Variants in CACUL1 observed in about 807,000 individuals in gnomAD.
The protein encoded by CACUL1 is CDK2 associated cullin domain 1.
CACUL1 carries 13 observed loss-of-function variants against 45.2 expected under a neutral mutation model. That is an observed-to-expected ratio of 0.29 (90% CI 0.19 to 0.46). The LOEUF (loss-of-function observed/expected upper bound fraction) is 0.46, where lower values mean the gene tolerates loss of function less well. CACUL1 is among the 20% of genes least tolerant of loss of function. The pLI is 1.00. For missense variants in CACUL1, 421 were observed against 471.4 expected (o/e 0.89, Z 0.99); for synonymous variants, 197 against 174.2 (o/e 1.13, Z -1.03).
chr10:118,733,549 C>T (rs758734896), intron 1 of CACUL1, among the ~76,000 whole-genome samples: 12 of 152,172 alleles, frequency 7.9e-5, no homozygotes, highest in South Asian at 2.1e-4. Flanking sequence ...CTTATCTCAA[C>T]GCAATCCTTG....
At chr10:118,736,171 A>G (rs888391555) in intron 1 of CACUL1, among the ~76,000 whole-genome samples, 1 of 152,192 alleles carries the variant, frequency 6.6e-6, no homozygotes, top group Non-Finnish European at 1.5e-5. Flanking sequence ...TAGATAAAGA[A>G]GAGGAATGGT....
chr10:118,747,046 G>A lies in CACUL1; in HGVS notation c.367+7350C>T, dbSNP rs182746085. Among the ~76,000 whole-genome samples the A allele has an allele frequency of 3.1e-3, 476 of 152,066 alleles. 2 individuals are homozygous for A. The highest frequency in any genetic ancestry group is 0.011 in the African/African-American group (444 of 41,468). ...GCAGGAATTAGATTCTCAAAGGAGC[G>A]CCAACCCTATAACGCAAGGGATCTA... On this transcript the variant is annotated intron_variant, in intron 1 of 8. Transcript: ENST00000369151.
chr10:118,712,560 G>A (rs1331964222), intron 3 of CACUL1, among the ~76,000 whole-genome samples: 2 of 152,352 alleles, frequency 1.3e-5, no homozygotes, highest in East Asian at 1.9e-4. Context: ...GACAAGTGGA[G>A]GAGCAAGACA....
intron 3 of CACUL1, among the ~76,000 whole-genome samples, chr10:118,711,651 T>C (rs549515922): frequency 4.6e-5 from 7 of 152,350 alleles, no homozygotes; most frequent in Non-Finnish European, 7.4e-5. Context: ...AGTATAAACA[T>C]TGATCAAAAA....
Position 118,683,827 on chromosome 10 carries a change from A to G in CACUL1, c.*2301T>C, listed in dbSNP as rs1845179639. ...TCAGAATTTTTTAGAATCCCAATAA[A>G]TAAGCAAAGTCTATTTCAACTTAAA... On this transcript the variant is annotated 3_prime_UTR_variant, in exon 9 of 9. Coordinates refer to ENST00000369151, the MANE Select transcript of CACUL1 (RefSeq NM_153810.5). 6.6e-6 allele frequency: 1 copy of G among 152,202 alleles called. No individual in the cohort carries two copies. The highest frequency in any genetic ancestry group is 1.5e-5 in the Non-Finnish European group (1 of 68,038). 9.4% of individuals were successfully genotyped at this position (152,202 alleles called of 1,614,324 possible). A position where few individuals can be genotyped will look rare whatever the true frequency, so the allele number is the denominator to read the frequency against.
chr10:118,712,604 G>A (rs368553107), intron 3 of CACUL1, among the ~76,000 whole-genome samples: 40 of 152,258 alleles, frequency 2.6e-4, no homozygotes, highest in African/African-American at 9.4e-4. Context: ...GAACAGCTCA[G>A]AGGAAAGCTG....
intron 7 of CACUL1, among the ~76,000 whole-genome samples, chr10:118,690,820 C>T (rs1166532884): frequency 1.3e-5 from 2 of 152,112 alleles, no homozygotes; most frequent in Non-Finnish European, 1.5e-5. Flanking sequence ...CCTAGGCAGG[C>T]GGATCACTTG....
At chr10:118,734,493 T>A (rs1589616573) in intron 1 of CACUL1, among the ~76,000 whole-genome samples, 1 of 152,348 alleles carries the variant, frequency 6.6e-6, no homozygotes, top group East Asian at 1.9e-4. Context: ...TTACTAAACT[T>A]CATCTAGGTT....
In CACUL1 at chr10:118,685,944, G is replaced by A. The variant is rs1043672646; in HGVS notation, c.*184C>T. 4 of 326,484 alleles carry A rather than the reference G, an allele frequency of 1.2e-5. No homozygotes were observed. Among genetic ancestry groups the A allele is most frequent in the African/African-American group, 6.9e-5 (3 of 43,712 alleles). 20.2% of individuals were successfully genotyped at this position (326,484 alleles called of 1,614,324 possible). A position where few individuals can be genotyped will look rare whatever the true frequency, so the allele number is the denominator to read the frequency against. ...AATCACCCCCAAGTCTAGCAGCAAC[G>A]TTTTTTTTTTTTTTAGTTTTTGTTT... On this transcript the variant is annotated 3_prime_UTR_variant, in exon 9 of 9. Coordinates refer to ENST00000369151, the MANE Select transcript of CACUL1 (RefSeq NM_153810.5).
At chr10:118,749,636 T>G (rs1490597757) in intron 1 of CACUL1, among the ~76,000 whole-genome samples, 2 of 152,184 alleles carry the variant, frequency 1.3e-5, no homozygotes, top group Non-Finnish European at 1.5e-5. Flanking sequence ...CCTTTTCCAA[T>G]AGAACATGCA....
At chr10:118,700,980 C>T (rs1450604889) in intron 5 of CACUL1, among the ~76,000 whole-genome samples, 1 of 152,118 alleles carries the variant, frequency 6.6e-6, no homozygotes, top group African/African-American at 2.4e-5. Context: ...TCTAGAGTTA[C>T]TAGTAGTAAA....
At chr10:118,689,113 T>C (rs557029035) in intron 7 of CACUL1, among the ~76,000 whole-genome samples, 2 of 152,226 alleles carry the variant, frequency 1.3e-5, no homozygotes, top group Non-Finnish European at 2.9e-5. Context: ...AGACAGGCTG[T>C]ACTATATTCT....
chr10:118,743,561 G>A (rs745931833), intron 1 of CACUL1, among the ~76,000 whole-genome samples: 6 of 151,664 alleles, frequency 4.0e-5, no homozygotes, highest in South Asian at 4.2e-4. Flanking sequence ...AAACCCTGTC[G>A]CTACTAAAAA....
chr10:118,682,453 A>G lies in CACUL1; in HGVS notation c.*3675T>C, dbSNP rs771409275. The G allele has an allele frequency of 3.9e-5, 6 of 152,624 alleles. No homozygotes were observed. Among genetic ancestry groups the G allele is most frequent in the Non-Finnish European group, 7.3e-5 (5 of 68,038 alleles). The allele number at this position is 152,624 out of a possible 1,614,324, so 9.5% of individuals were successfully genotyped here. A position where few individuals can be genotyped will look rare whatever the true frequency, so the allele number is the denominator to read the frequency against. ...TCAATAATAAAAAGGCAAAATCTGG[A>G]GGGGTTACTCGGCTTAAAAAGAGAT... On this transcript the variant is annotated 3_prime_UTR_variant, in exon 9 of 9. Transcript: ENST00000369151.
At position 118,691,383 on chromosome 10, in the gene CACUL1, T is replaced by C. The variant is rs754077616; in HGVS notation, c.907A>G (p.Thr303Ala). ...LRPEWVQMAP[T>A]LFSKFIPNIL... ...TTTGGAATAAATTTAGAAAATAGAG[T>C]TGGAGCCATCTGAACCCACTCTGTG... The change falls in exon 7 of 9, where the codon ACT becomes GCT. Residue 303 changes from threonine (T) to alanine (A), a missense_variant. By Grantham distance (58) the Thr-to-Ala change is moderately conservative. Around this residue, in one of 2 missense-constraint regions of CACUL1, gnomAD observed 208 missense variants for 298.4 expected, o/e 0.70. Transcript: ENST00000369151. The C allele has an allele frequency of 4.3e-6, 7 of 1,612,854 alleles. No homozygotes were observed. Among genetic ancestry groups the C allele is most frequent in the African/African-American group, 4.0e-5 (3 of 74,816 alleles).
At chr10:118,701,963 C>T (rs1250760901) in intron 4 of CACUL1, among the ~76,000 whole-genome samples, 2 of 152,150 alleles carry the variant, frequency 1.3e-5, no homozygotes, top group African/African-American at 4.8e-5. Flanking sequence ...ATCTTATAAC[C>T]ATGAGGGGAA....
rs1845104093 is a variant in CACUL1, at chr10:118,676,926, T to C, written c.*9202A>G. Reference sequence around the variant, plus strand: ...GCAGGTGAGTGAGTTTAATAGGGTTTTCGGTTTCATTGCTTGTATTCTTAG... The same window carrying C: ...GCAGGTGAGTGAGTTTAATAGGGTTCTCGGTTTCATTGCTTGTATTCTTAG... On this transcript the variant is annotated 3_prime_UTR_variant, in exon 9 of 9. Coordinates refer to ENST00000369151, the MANE Select transcript of CACUL1 (RefSeq NM_153810.5). The C allele has an allele frequency of 6.6e-6, 1 of 152,074 alleles. No individual in the cohort carries two copies. Among genetic ancestry groups the C allele is most frequent in the African/African-American group, 2.4e-5 (1 of 41,428 alleles). The allele number at this position is 152,074 out of a possible 1,614,324, so 9.4% of individuals were successfully genotyped here.
At chr10:118,731,293 A>G (rs1285897561) in intron 1 of CACUL1, among the ~76,000 whole-genome samples, 1 of 152,220 alleles carries the variant, frequency 6.6e-6, no homozygotes, top group East Asian at 1.9e-4. Context: ...TAGGAAGCAG[A>G]GTGGTTAAGT....
intron 5 of CACUL1, among the ~76,000 whole-genome samples, chr10:118,697,970 G>A (rs1328841950): frequency 6.6e-6 from 1 of 152,114 alleles, no homozygotes; most frequent in Non-Finnish European, 1.5e-5. Context: ...CCATGGAGCC[G>A]ATAGAAAACT....
Sources: allele counts gnomAD v4.1 joint callset (sites outside exome capture counted in the v4.1 genomes callset), GRCh38; gene constraint gnomAD v4.1.1; regional missense constraint gnomAD v4.1.1; transcripts MANE v1.5; gene names NCBI Gene and HGNC (gene_info 2026-07-23, HGNC 2026-07-21).